The following CACHD1 variants were observed in gnomAD, a reference collection of about 807,000 sequenced individuals.
The protein encoded by CACHD1 is cache domain containing 1.
Under a neutral mutation model 138.7 loss-of-function variants are expected in CACHD1, and 71 were observed. That is an observed-to-expected ratio of 0.51 (90% CI 0.42 to 0.62). CACHD1 has a LOEUF of 0.62. Among genes scored for constraint, CACHD1 ranks in the 20% least tolerant of loss-of-function variants. The pLI is 0.00. For synonymous variants in CACHD1, 578 were observed against 591.5 expected (o/e 0.98, Z 0.33); for missense variants, 1,389 against 1,625.3 (o/e 0.85, Z 2.50).
chr1:64,641,629 T>C (rs531135970), intron 7 of CACHD1, among the ~76,000 whole-genome samples, 191 bp from the exon 8 acceptor site: 1 of 152,254 alleles, frequency 6.6e-6, no homozygotes, highest in South Asian at 2.1e-4. Flanking sequence ...GGCCTCATTG[T>C]CCAGAAAGGG....
At chr1:64,650,301 A>C (rs1480953618) in intron 9 of CACHD1, among the ~76,000 whole-genome samples, 1 of 152,166 alleles carries the variant, frequency 6.6e-6, no homozygotes, top group African/African-American at 2.4e-5. Flanking sequence ...TTACTGATCT[A>C]TGAAAATGGC....
chr1:64,670,838 C>T (rs1397394858), intron 16 of CACHD1, among the ~76,000 whole-genome samples: 4 of 152,106 alleles, frequency 2.6e-5, no homozygotes, highest in Non-Finnish European at 1.5e-5. Flanking sequence ...AAAGGTGAAA[C>T]AGCATTCCAT....
At position 64,676,899 on chromosome 1, in the gene CACHD1, C is replaced by T. The variant is rs768544521; in HGVS notation, c.2980C>T (p.Pro994Ser). ...CCAGACTTACCTCCTGCACAGAAAC[C>T]CCAGCTGCGAGGTCCACCAGGAGCC... The part of the protein sequence containing the change: ...GNLTNAENRN[P>S]SCEVHQEPVT... The change falls in exon 22 of 27, where the codon CCC (proline) becomes TCC (serine). Residue 994 changes from proline to serine, a missense_variant. By Grantham distance (74) the Pro-to-Ser change is moderately conservative. Transcript: ENST00000651257. 1 of 1,613,344 alleles carries T rather than the reference C, an allele frequency of 6.2e-7. No homozygotes were observed. The highest frequency in any genetic ancestry group is 8.5e-7 in the Non-Finnish European group (1 of 1,179,640).
At chr1:64,498,389 TA>T (rs1444302454) in intron 1 of CACHD1, among the ~76,000 whole-genome samples, 1 of 152,262 alleles carries the variant, frequency 6.6e-6, no homozygotes, top group Non-Finnish European at 1.5e-5. Flanking sequence ...ACATTTAGTT[TA>T]AAACTGTATT....
At chr1:64,508,914 G>A (rs1181289681) in intron 1 of CACHD1, among the ~76,000 whole-genome samples, 2 of 151,970 alleles carry the variant, frequency 1.3e-5, no homozygotes, top group Non-Finnish European at 2.9e-5. Context: ...CTTTTCTTTG[G>A]TGTCTCCTGC....
At chr1:64,613,026 G>C (rs937572323) in intron 4 of CACHD1, among the ~76,000 whole-genome samples, 1 of 152,138 alleles carries the variant, frequency 6.6e-6, no homozygotes, top group Admixed American at 6.5e-5. Flanking sequence ...ACATTAATAG[G>C]AGTTTGGAAG....
At chr1:64,681,984 A>G (rs1345897896) in intron 25 of CACHD1, 21 bp from the exon 26 acceptor site, 1 of 1,606,898 alleles carries the variant, frequency 6.2e-7, no homozygotes, top group South Asian at 1.1e-5. Context: ...AGTGACATTA[A>G]CTGTCCTTGG....
chr1:64,678,109 C>T (rs771980702), intron 22 of CACHD1, 50 bp from the exon 23 acceptor site: 2 of 1,581,870 alleles, frequency 1.3e-6, no homozygotes, highest in Non-Finnish European at 1.7e-6. Flanking sequence ...TAAGTGCTGT[C>T]CCCTGCCCCA....
intron 1 of CACHD1, among the ~76,000 whole-genome samples, chr1:64,479,870 A>T (rs990183458): frequency 2.6e-5 from 4 of 152,108 alleles, no homozygotes; most frequent in African/African-American, 9.7e-5. Context: ...AGTTCCTTGT[A>T]TTTGGAGGTG....
intron 1 of CACHD1, among the ~76,000 whole-genome samples, chr1:64,535,352 T>G (rs1050387744): frequency 4.1e-5 from 6 of 146,172 alleles, no homozygotes; most frequent in Non-Finnish European, 7.4e-5. Flanking sequence ...TGAGATAGAG[T>G]TTTGCTCTTG....
At chr1:64,481,236 C>A (rs1264409529) in intron 1 of CACHD1, among the ~76,000 whole-genome samples, 2 of 152,088 alleles carry the variant, frequency 1.3e-5, no homozygotes, top group African/African-American at 4.8e-5. Flanking sequence ...TCTCTTCCAA[C>A]CATAACAGTT....
At chr1:64,558,846 A>G (rs548705418) in intron 2 of CACHD1, among the ~76,000 whole-genome samples, 70 of 152,314 alleles carry the variant, frequency 4.6e-4, no homozygotes, top group Non-Finnish European at 8.7e-4. Flanking sequence ...ACGTGAACAG[A>G]CACTTCTCAA....
chr1:64,615,327 G>C (rs1197871690), intron 4 of CACHD1, among the ~76,000 whole-genome samples: 1 of 152,170 alleles, frequency 6.6e-6, no homozygotes, highest in African/African-American at 2.4e-5. Context: ...TTGAGAATGG[G>C]AGAGAGCAGG....
chr1:64,476,726 C>T (rs755151455), intron 1 of CACHD1, among the ~76,000 whole-genome samples: 2 of 152,226 alleles, frequency 1.3e-5, no homozygotes, highest in Non-Finnish European at 2.9e-5. Flanking sequence ...TCACTAATGC[C>T]TATCTTTGCT....
In CACHD1 at chr1:64,470,873, C is replaced by G. The variant is rs780183706; in HGVS notation, c.129C>G (p.Asp43Glu). Residue 43 changes from aspartate (D) to glutamate (E), a missense_variant, in exon 1 of 27, where the codon GAC (aspartate) becomes GAG (glutamate). Physicochemically the swap from Asp to Glu is conservative, Grantham distance 45. Around this residue, in one of 5 missense-constraint regions of CACHD1, gnomAD observed 1,000 missense variants for 1,114.7 expected, o/e 0.90. Transcript: ENST00000651257. This position sits in a 1 kb window ranked among gnomAD's most constrained non-coding sequence, Gnocchi z 5.2. Reference sequence around the variant, plus strand: ...CCGAAGCCGACTTCTCCATCCTGGACGAGGCGCAAGTGCTGGCGAGCCAGA... The same window carrying G: ...CCGAAGCCGACTTCTCCATCCTGGAGGAGGCGCAAGTGCTGGCGAGCCAGA... ...AGAEADFSIL[D>E]EAQVLASQMR... 3.1e-6 allele frequency: 5 copies of G among 1,605,506 alleles called. No homozygotes were observed. Among genetic ancestry groups the G allele is most frequent in the Non-Finnish European group, 4.2e-6 (5 of 1,178,142 alleles).
chr1:64,555,737 T>G (rs1570362055), intron 2 of CACHD1, among the ~76,000 whole-genome samples: 1 of 152,226 alleles, frequency 6.6e-6, no homozygotes, highest in Non-Finnish European at 1.5e-5. Flanking sequence ...AAGTATTTTA[T>G]CCACCTGGAA....
chr1:64,664,831 G>A, intron 15 of CACHD1, 152 bp downstream of exon 15: 2 of 628,514 alleles, frequency 3.2e-6, no homozygotes, highest in South Asian at 2.9e-5. Flanking sequence ...TTTCAGTGCA[G>A]CATTAACAAC....
At chr1:64,483,091 A>G (rs181552972) in intron 1 of CACHD1, among the ~76,000 whole-genome samples, 4 of 152,330 alleles carry the variant, frequency 2.6e-5, no homozygotes, top group Non-Finnish European at 5.9e-5. Context: ...TTACCAGGAA[A>G]TGTCTAGGGT....
chr1:64,640,692 GACACACACACACACACACACACAC>G (rs35423621), intron 7 of CACHD1, among the ~76,000 whole-genome samples: 29 of 143,716 alleles, frequency 2.0e-4, no homozygotes, highest in African/African-American at 6.9e-4. Context: ...TATATATACA[GACACACACACACACACACACACAC>G]ACACACACAC....
Sources: allele counts gnomAD v4.1 joint callset (sites outside exome capture counted in the v4.1 genomes callset), GRCh38; gene constraint gnomAD v4.1.1; regional missense constraint gnomAD v4.1.1; non-coding constraint Gnocchi (gnomAD v3.1); transcripts MANE v1.5; gene names NCBI Gene and HGNC (gene_info 2026-07-23, HGNC 2026-07-21).